The following TMEM45A variants were observed in gnomAD, a reference collection of about 807,000 sequenced individuals.
The protein encoded by TMEM45A is DNA polymerase-transactivated protein 4.
A neutral mutation model predicts 32.0 loss-of-function variants in TMEM45A; 25 were observed. That is an observed-to-expected ratio of 0.78 (90% CI 0.57 to 1.09). The LOEUF (loss-of-function observed/expected upper bound fraction) is 1.09. Ranked by LOEUF, TMEM45A falls within the 50% of genes least tolerant of loss-of-function variation. The pLI, the probability that TMEM45A is intolerant of heterozygous loss-of-function variation, is 0.00. For synonymous variants in TMEM45A, 122 were observed against 114.8 expected (o/e 1.06, Z -0.40); for missense variants, 302 against 325.0 (o/e 0.93, Z 0.54).
At chr3:100,551,158 T>C (rs575039183) in intron 1 of TMEM45A, among the ~76,000 whole-genome samples, 1 of 151,740 alleles carries the variant, frequency 6.6e-6, no homozygotes, top group South Asian at 2.1e-4. Flanking sequence ...GGACTACAGG[T>C]GCCCACCACC....
chr3:100,525,587 A>T (rs1403911343), intron 1 of TMEM45A, among the ~76,000 whole-genome samples: 1 of 152,256 alleles, frequency 6.6e-6, no homozygotes, highest in African/African-American at 2.4e-5. Flanking sequence ...CAGCTGGCCC[A>T]TGGAAGGCCT....
At position 100,514,539 on chromosome 3, in the gene TMEM45A, G is replaced by T. The variant is rs577386841; in HGVS notation, c.-4+21611G>T. On this transcript the variant is annotated intron_variant, in intron 1 of 5. Coordinates refer to ENST00000323523, the MANE Select transcript of TMEM45A (RefSeq NM_018004.3). ...ATAAAAACCCTAGAAGAAAACCTAG[G>T]CATTACCATTCAGGACATAGGCATG... 4.0e-5 allele frequency among the ~76,000 whole-genome samples: 6 copies of T among 151,854 alleles called. No homozygotes were observed. In the South Asian group the frequency reaches 1.2e-3, roughly 32 times the overall value.
At chr3:100,526,798 T>A (rs1294238935) in intron 1 of TMEM45A, among the ~76,000 whole-genome samples, 1 of 152,234 alleles carries the variant, frequency 6.6e-6, no homozygotes, top group Non-Finnish European at 1.5e-5. Context: ...AAGAACAGAC[T>A]GTCTTAGAGT....
chr3:100,517,965 C>T (rs1434982825), intron 1 of TMEM45A, among the ~76,000 whole-genome samples: 3 of 152,154 alleles, frequency 2.0e-5, no homozygotes, highest in South Asian at 2.1e-4. Flanking sequence ...TCATTAGCCA[C>T]GTTTCTAAAA....
chr3:100,543,391 A>T (rs190630309), intron 1 of TMEM45A, among the ~76,000 whole-genome samples: 2 of 152,316 alleles, frequency 1.3e-5, no homozygotes, highest in East Asian at 3.9e-4. Context: ...GGATTGTGTC[A>T]TATGTGCATT....
chr3:100,539,404 G>C (rs1272124602), intron 1 of TMEM45A, among the ~76,000 whole-genome samples: 1 of 114,970 alleles, frequency 8.7e-6, no homozygotes, highest in East Asian at 2.3e-4. Flanking sequence ...ACAGTATTAG[G>C]GTTCTCCAGA....
intron 5 of TMEM45A, among the ~76,000 whole-genome samples, chr3:100,569,410 TG>T (rs1301996460): frequency 1.3e-5 from 2 of 152,210 alleles, no homozygotes; most frequent in Non-Finnish European, 2.9e-5. Flanking sequence ...CTGCCTAATT[TG>T]ACATTGACTA....
intron 1 of TMEM45A, among the ~76,000 whole-genome samples, chr3:100,533,376 G>A (rs557827339): frequency 2.0e-5 from 3 of 152,182 alleles, no homozygotes; most frequent in South Asian, 2.1e-4. Flanking sequence ...TGAGAATCAC[G>A]GCTCTAGTAG....
chr3:100,533,099 C>G (rs1705675512), intron 1 of TMEM45A, among the ~76,000 whole-genome samples: 1 of 152,010 alleles, frequency 6.6e-6, no homozygotes, highest in African/African-American at 2.4e-5. Context: ...AATAGGAGCC[C>G]AGTCATTACT....
intron 1 of TMEM45A, among the ~76,000 whole-genome samples, chr3:100,526,760 G>A (rs1185361181): frequency 1.3e-5 from 2 of 152,090 alleles, no homozygotes; most frequent in African/African-American, 4.8e-5. Context: ...GCAACAGACT[G>A]GTCACAACTC....
chr3:100,544,110 T>A (rs1705939439), intron 1 of TMEM45A, among the ~76,000 whole-genome samples: 2 of 152,126 alleles, frequency 1.3e-5, no homozygotes, highest in South Asian at 4.1e-4. Context: ...AAGGTAGATT[T>A]ATTTTTTTTG....
At chr3:100,554,769 G>A (rs1214760902) in intron 1 of TMEM45A, among the ~76,000 whole-genome samples, 1 of 152,180 alleles carries the variant, frequency 6.6e-6, no homozygotes, top group Non-Finnish European at 1.5e-5. Context: ...CCACTGTATG[G>A]CGAAGTATAT....
intron 1 of TMEM45A, among the ~76,000 whole-genome samples, chr3:100,506,770 T>C (rs575732642): frequency 6.6e-5 from 10 of 152,108 alleles, no homozygotes; most frequent in Non-Finnish European, 1.3e-4. Flanking sequence ...TGGTGATGGT[T>C]GGGTGAGATG....
rs932769567 is a variant in TMEM45A at position 100,532,605 on chromosome 3, T to C, written c.-3-22604T>C. On this transcript the variant is annotated intron_variant, in intron 1 of 5. Coordinates refer to ENST00000323523, the MANE Select transcript of TMEM45A (RefSeq NM_018004.3). Reference sequence around the variant, plus strand: ...ACATAGAAAGCTGTCAGTACAGTATTTGATACAGAGCCAGCATTTGATAAT... The same window carrying C: ...ACATAGAAAGCTGTCAGTACAGTATCTGATACAGAGCCAGCATTTGATAAT... Among the ~76,000 whole-genome samples the C allele has an allele frequency of 5.3e-5, 8 of 152,130 alleles. 1 individual carries two copies. The highest frequency in any genetic ancestry group is 1.2e-4 in the African/African-American group (5 of 41,462).
In TMEM45A at chr3:100,555,228, G is replaced by T; in HGVS notation, c.17G>T (p.Gly6Val). 6.2e-7 allele frequency: 1 copy of T among 1,604,084 alleles called. No individual in the cohort carries two copies. The change falls in exon 2 of 6, where the codon GGT (glycine) becomes GTT (valine). Residue 6 changes from glycine to valine, a missense_variant. Physicochemically the swap from Gly to Val is moderately radical, Grantham distance 109 (BLOSUM62 -3). Transcript: ENST00000323523. MGNFRGHALPGTFFFI... is the reference protein window; with the variant it reads MGNFRVHALPGTFFFI... ...TTGTAGATCATGGGGAATTTCAGAG[G>T]TCATGCCCTCCCTGGAACCTTCTTT...
intron 1 of TMEM45A, among the ~76,000 whole-genome samples, chr3:100,515,578 T>G (rs955573249): frequency 6.6e-6 from 1 of 151,218 alleles, no homozygotes; most frequent in African/African-American, 2.4e-5. Context: ...TGTATTCATA[T>G]GTAACTAACC....
chr3:100,503,710 G>A (rs1708038597), intron 1 of TMEM45A, among the ~76,000 whole-genome samples: 1 of 152,134 alleles, frequency 6.6e-6, no homozygotes, highest in Non-Finnish European at 1.5e-5. Flanking sequence ...AACAACTAAT[G>A]ACTGAGTGAC....
At chr3:100,557,733 A>G (rs903731580) in intron 3 of TMEM45A, among the ~76,000 whole-genome samples, 1 of 152,216 alleles carries the variant, frequency 6.6e-6, no homozygotes, top group African/African-American at 2.4e-5. Flanking sequence ...GTCAACAACT[A>G]ATAGCCCGGT....
intron 5 of TMEM45A, chr3:100,573,433 ATTTTTGTACATTGATT>A (rs1706613004): frequency 6.6e-6 from 1 of 152,138 alleles, no homozygotes; most frequent in Non-Finnish European, 1.5e-5. Context: ...AATGCTTGCG[ATTTTTGTACATTGATT>A]TTGTATCCTG....
Sources: allele counts gnomAD v4.1 joint callset (sites outside exome capture counted in the v4.1 genomes callset), GRCh38; gene constraint gnomAD v4.1.1; transcripts MANE v1.5; gene names NCBI Gene and HGNC (gene_info 2026-07-23, HGNC 2026-07-21).